WDR62: variants seen among roughly 807,000 people sequenced by gnomAD.
WDR62 encodes the protein WD repeat domain 62.
Under a neutral mutation model 160.6 loss-of-function variants are expected in WDR62, and 112 were observed. The ratio of observed to expected loss-of-function variants is 0.70; its 90% CI spans 0.60 to 0.82. WDR62 has a LOEUF of 0.82. Among genes scored for constraint, WDR62 ranks in the 40% least tolerant of loss-of-function variants. The pLI is 0.00. For synonymous variants in WDR62, 792 were observed against 815.1 expected (o/e 0.97, Z 0.48); for missense variants, 1,819 against 1,983.8 (o/e 0.92, Z 1.58).
Position 36,071,604 on chromosome 19 carries a change from G to A in WDR62, c.931G>A (p.Gly311Ser). 1 of 1,614,212 alleles carries A rather than the reference G, an allele frequency of 6.2e-7. No individual in the cohort carries two copies. Among genetic ancestry groups the A allele is most frequent in the African/African-American group, 1.3e-5 (1 of 75,058 alleles). ...TGTCAGCCAGGAGCTCATCTTCTGT[G>A]GCTGCACAGATGGGATAGTCCGCAT... ...LCVSQELIFC[G>S]CTDGIVRIFQ... is the part of the protein sequence containing the mutation. Residue 311 changes from glycine (G) to serine (S), a missense_variant, in exon 8 of 32, where the codon GGC becomes AGC. Physicochemically the swap from Gly to Ser is moderately conservative, Grantham distance 56 (BLOSUM62 0). Coordinates refer to ENST00000401500, the MANE Select transcript of WDR62 (RefSeq NM_001083961.2).
At position 36,067,918 on chromosome 19, in the gene WDR62, C is replaced by T. The variant is rs759438489; in HGVS notation, c.790C>T (p.Arg264Trp). ...IFCGVACGRG[R>W]MAGSTFCVSY... ...CTGTGGTGTGGCCTGCGGTCGGGGC[C>T]GGATGGCGGGCAGTACCTTCTGTGT... Residue 264 changes from arginine to tryptophan, a missense_variant, in exon 7 of 32, where the codon CGG becomes TGG. Arg to Trp is a moderately radical substitution (Grantham distance 101). Coordinates refer to ENST00000401500, the MANE Select transcript of WDR62 (RefSeq NM_001083961.2). The T allele has an allele frequency of 6.8e-6, 11 of 1,614,182 alleles. No homozygotes were observed. The South Asian group carries it at 7.7e-5, about 11-fold the overall frequency.
intron 4 of WDR62, 85 bp from the exon 5 acceptor site, chr19:36,066,172 G>A: frequency 1.2e-6 from 2 of 1,600,562 alleles, no homozygotes; most frequent in East Asian, 2.2e-5. Flanking sequence ...GGCACATCCT[G>A]TGGCAATGCC....
intron 7 of WDR62, among the ~76,000 whole-genome samples, chr19:36,069,364 G>A (rs139906819): frequency 0.072 from 10,944 of 152,088 alleles, 447 homozygotes; most frequent in South Asian, 0.094. Context: ...GGTCGCGGCC[G>A]GGTAGAGGCG....
chr19:36,061,939 C>T (rs1568324784), intron 3 of WDR62: 2 of 148,840 alleles, frequency 1.3e-5, no homozygotes, highest in African/African-American at 5.0e-5. Flanking sequence ...CAAATGTTAG[C>T]TTTTTTTTCT....
Position 36,101,741 on chromosome 19 carries a change from C to T in WDR62, c.3049C>T (p.Pro1017Ser), listed in dbSNP as rs776083904. The T allele has an allele frequency of 1.9e-6, 3 of 1,551,986 alleles. No homozygotes were observed. Among genetic ancestry groups the T allele is most frequent in the South Asian group, 1.2e-5 (1 of 84,122 alleles). The change falls in exon 25 of 32, where the codon CCT becomes TCT. Residue 1017 changes from proline to serine, a missense_variant. Physicochemically the swap from Pro to Ser is moderately conservative, Grantham distance 74. Around this residue, in one of 3 missense-constraint regions of WDR62, gnomAD observed 770 missense variants for 734.2 expected, o/e 1.05. Transcript: ENST00000401500. Reference sequence around the variant, plus strand: ...CCCAGCTCCGCCTCCTGACCCTGCCCCTCGGTTTGCCACGTCGCTGCCCCA... The same window carrying T: ...CCCAGCTCCGCCTCCTGACCCTGCCTCTCGGTTTGCCACGTCGCTGCCCCA... The part of the protein sequence containing the change: ...HSPAPPPDPA[P>S]RFATSLPHFP...
At position 36,069,189 on chromosome 19, in the gene WDR62, C is replaced by T. The variant is rs113448979; in HGVS notation, c.882+1179C>T. 3.9e-3 allele frequency among the ~76,000 whole-genome samples: 574 copies of T among 146,142 alleles called. 4 individuals are homozygous for T. The highest frequency in any genetic ancestry group is 0.015 in the African/African-American group (530 of 35,908). The stretch of plus-strand genomic sequence containing the variant: ...GCGGGGGCTGACCCCCACCTCCCTC[C>T]GGGACGGGGCGGCTGCTGGGCGGAG... On this transcript the variant is annotated intron_variant, in intron 7 of 31. Coordinates refer to ENST00000401500, the MANE Select transcript of WDR62 (RefSeq NM_001083961.2).
chr19:36,058,994 C>T (rs1334514269), intron 2 of WDR62, 123 bp downstream of exon 2: 1 of 829,612 alleles, frequency 1.2e-6, no homozygotes, highest in Non-Finnish European at 2.0e-6. Flanking sequence ...AGAATGGGGC[C>T]TGCCTCTGAG....
At position 36,093,700 on chromosome 19, in the gene WDR62, C is replaced by T. The variant is rs10853945; in HGVS notation, c.2334-331C>T. Among the ~76,000 whole-genome samples, 91,955 of 152,008 alleles carry T rather than the reference C, an allele frequency of 0.6. 28,156 individuals carry two copies. Among genetic ancestry groups the T allele is most frequent in the African/African-American group, 0.69 (28,531 of 41,448 alleles). ...TCATGCCAAGGGTGTTTTAGTTTCC[C>T]GTACTCGGGAAGAGCCACCATCATT... On this transcript the variant is annotated intron_variant, in intron 19 of 31. Coordinates refer to ENST00000401500, the MANE Select transcript of WDR62 (RefSeq NM_001083961.2).
rs563074155 is a variant in WDR62 at position 36,078,844 on chromosome 19, A to C, written c.1234-2589A>C. On this transcript the variant is annotated intron_variant, in intron 9 of 31. Transcript: ENST00000401500. ...GGGCGAGACTCTGTCAAAAAAAAAA[A>C]AAAAAACAAAGTAAGTTATAGTTTT... is the stretch of plus-strand genomic sequence containing the variant. Among the ~76,000 whole-genome samples the C allele has an allele frequency of 4.6e-5, 7 of 151,492 alleles. No homozygotes were observed. The East Asian group carries it at 1.4e-3, about 29-fold the overall frequency.
At chr19:36,083,295 C>G in intron 11 of WDR62, 54 bp downstream of exon 11, 1 of 1,541,566 alleles carries the variant, frequency 6.5e-7, no homozygotes, top group Non-Finnish European at 8.8e-7. Context: ...AGCTCAGGTT[C>G]TCAGGGCAGT....
chr19:36,071,198 A>C, intron 7 of WDR62: 1 of 254,036 alleles, frequency 3.9e-6, no homozygotes, highest in Non-Finnish European at 7.8e-6. Flanking sequence ...AAAAAACTCT[A>C]TCTCAAAAAA....
intron 12 of WDR62, among the ~76,000 whole-genome samples, chr19:36,086,116 G>T (rs1226248556): frequency 6.6e-6 from 1 of 152,056 alleles, no homozygotes. Context: ...CATCCCCCAT[G>T]CTGTGTGCCC....
chr19:36,110,535 G>C, the WDR62 span, among the ~76,000 whole-genome samples: 1 of 152,206 alleles, frequency 6.6e-6, no homozygotes, highest in African/African-American at 2.4e-5. Flanking sequence ...GAGGAAGAGT[G>C]TTGTCCCAGG....
chr19:36,104,765 C>T lies in WDR62; in HGVS notation c.4312-3C>T. 6.2e-7 allele frequency: 1 copy of T among 1,613,778 alleles called. No homozygotes were observed. The highest frequency in any genetic ancestry group is 2.2e-5 in the East Asian group (1 of 44,890). On this transcript the variant is annotated splice_region_variant and splice_polypyrimidine_tract_variant and intron_variant, in intron 31 of 31. Transcript: ENST00000401500. ...CCCCTGACAAGGCTGGCATCCCTTG[C>T]AGTTGGTCTCCAGTGGCCAGGTGGA...
intron 11 of WDR62, 130 bp downstream of exon 11, chr19:36,083,371 C>G (rs1283241224): frequency 2.1e-6 from 2 of 948,904 alleles, no homozygotes; most frequent in Non-Finnish European, 3.3e-6. Flanking sequence ...GAATAGTAAT[C>G]CCATGAACAG....
At chr19:36,070,513 T>A (rs929620200) in intron 7 of WDR62, 1 of 152,274 alleles carries the variant, frequency 6.6e-6, no homozygotes, top group African/African-American at 2.4e-5. Context: ...GAGTCAAAGC[T>A]GTTTTCCCAT....
rs1333222096 is a variant in WDR62 at position 36,066,430 on chromosome 19, A to G, written c.561+3A>G. ...TGCTCAACGTCTGGGACTGGAAGGT[A>G]AGAGCCGACCAGCAGGCCTGTGGCA... On this transcript the variant is annotated splice_donor_region_variant and intron_variant, in intron 5 of 31. Transcript: ENST00000401500. 1.9e-6 allele frequency: 3 copies of G among 1,592,204 alleles called. No homozygotes were observed. The highest frequency in any genetic ancestry group is 2.6e-6 in the Non-Finnish European group (3 of 1,169,716).
chr19:36,057,094 C>T (rs117686921), intron 1 of WDR62, among the ~76,000 whole-genome samples: 2,692 of 152,262 alleles, frequency 0.018, 44 homozygotes, highest in Non-Finnish European at 0.028. Flanking sequence ...GGATTACAGG[C>T]GTGAGCTACT....
intron 8 of WDR62, 111 bp from the exon 9 acceptor site, chr19:36,073,231 C>A: frequency 2.9e-6 from 3 of 1,030,980 alleles, no homozygotes; most frequent in Non-Finnish European, 4.6e-6. Context: ...TGGATGGCCA[C>A]AAATACCATG....
Sources: gnomAD v4.1 joint callset for allele counts (sites outside exome capture counted in the v4.1 genomes callset) on GRCh38, gnomAD v4.1.1 for gene constraint, gnomAD v4.1.1 regional missense constraint, MANE v1.5 for transcripts, NCBI Gene and HGNC (gene_info 2026-07-23, HGNC 2026-07-21) for gene names.